The following ARHGEF18 variants were observed in gnomAD, a reference collection of about 807,000 sequenced individuals.
ARHGEF18 encodes rho guanine nucleotide exchange factor 18.
Under a neutral mutation model 155.7 loss-of-function variants are expected in ARHGEF18, and 93 were observed. That is an observed-to-expected ratio of 0.60 (90% CI 0.50 to 0.71). The LOEUF is 0.71. Ranked by LOEUF, ARHGEF18 falls within the 30% of genes least tolerant of loss-of-function variation. The pLI, the probability that ARHGEF18 is intolerant of heterozygous loss-of-function variation, is 0.00. For synonymous variants in ARHGEF18, 742 were observed against 753.1 expected (o/e 0.99, Z 0.24); for missense variants, 1,593 against 1,816.1 (o/e 0.88, Z 2.23).
chr19:7,439,570 G>A (rs17255882), intron 10 of ARHGEF18: 118,463 of 546,760 alleles, frequency 0.22, 13,741 homozygotes, highest in Non-Finnish European at 0.23. Flanking sequence ...TGTAGACAGC[G>A]GTTTGCAGCC....
At chr19:7,366,099 C>T (rs964856027) in intron 2 of ARHGEF18, among the ~76,000 whole-genome samples, 2 of 152,176 alleles carry the variant, frequency 1.3e-5, no homozygotes, top group African/African-American at 4.8e-5. Flanking sequence ...GCACCCACCA[C>T]CACATCCAGC....
downstream of ARHGEF18, among the ~76,000 whole-genome samples, chr19:7,473,860 G>T (rs1466895102): frequency 6.7e-6 from 1 of 149,064 alleles, no homozygotes; most frequent in African/African-American, 2.5e-5. Flanking sequence ...GCGTGCACCT[G>T]TAATCCCAGC....
intron 10 of ARHGEF18, among the ~76,000 whole-genome samples, chr19:7,384,753 G>A (rs1970913854): frequency 6.6e-6 from 1 of 150,506 alleles, no homozygotes; most frequent in Admixed American, 6.7e-5. Flanking sequence ...GTGCAATGGT[G>A]TGATCTCAGC....
intron 10 of ARHGEF18, among the ~76,000 whole-genome samples, chr19:7,414,445 G>A (rs1203363456): frequency 6.6e-6 from 1 of 152,152 alleles, no homozygotes; most frequent in Non-Finnish European, 1.5e-5. Flanking sequence ...GGGAGGCCAA[G>A]GCGGGCAGAT....
rs370897159 is a variant in ARHGEF18 at position 7,349,144 on chromosome 19, C to T, written c.-208C>T. On this transcript the variant is annotated 5_prime_UTR_variant, in exon 1 of 29. Transcript: ENST00000668164. The stretch of plus-strand genomic sequence containing the variant: ...CCAGGCTCTACCCAGCCAGCGGTTC[C>T]CTTGGGCCAGCTCGAAACGCTGGCC... The T allele has an allele frequency of 6.6e-6, 1 of 152,266 alleles. No individual in the cohort carries two copies. The highest frequency in any genetic ancestry group is 1.5e-5 in the Non-Finnish European group (1 of 68,092). 9.4% of individuals were successfully genotyped at this position (152,266 alleles called of 1,614,324 possible). A position where few individuals can be genotyped will look rare whatever the true frequency, so the allele number is the denominator to read the frequency against.
downstream of ARHGEF18, among the ~76,000 whole-genome samples, chr19:7,474,439 C>T (rs752486536): frequency 1.3e-5 from 2 of 152,074 alleles, no homozygotes; most frequent in Non-Finnish European, 1.5e-5. Flanking sequence ...TGCAGTGGCA[C>T]GCTATCTTGA....
At position 7,470,077 on chromosome 19, in the gene ARHGEF18, T is replaced by C. The variant is rs1371224606; in HGVS notation, c.3913+48T>C. On this transcript the variant is annotated intron_variant, in intron 28 of 28. Coordinates refer to ENST00000668164, the MANE Select transcript of ARHGEF18 (RefSeq NM_001367823.1). The surrounding 1 kb of genome is among the most constrained non-coding windows in gnomAD (Gnocchi z 5.9). The stretch of plus-strand genomic sequence containing the variant: ...GAGCCCAGTCCCAGGGCAGCGGGGC[T>C]GCGGCACCACCCGGCGACTGCTCAG... The C allele has an allele frequency of 1.9e-6, 3 of 1,610,964 alleles. No homozygotes were observed. In the Admixed American group the frequency reaches 5.0e-5, roughly 27 times the overall value.
At chr19:7,452,186 G>A (rs1372481396) in intron 16 of ARHGEF18, among the ~76,000 whole-genome samples, 2 of 152,202 alleles carry the variant, frequency 1.3e-5, no homozygotes, top group South Asian at 2.1e-4. Flanking sequence ...GGATGGAGAC[G>A]GTGCCCTGGT....
At position 7,462,192 on chromosome 19, in the gene ARHGEF18, C is replaced by T; in HGVS notation, c.2493C>T (p.Leu831=). ...AAGACCAGCTGATCGCACAGAGCCT[C>T]CTAGAGAAACAGCAGATCTACCTGG... ...SMKDQLIAQS[L]LEKQQIYLEM... is the part of the protein sequence containing the mutation. Residue 831 remains leucine, a synonymous_variant, in exon 21 of 29, where the codon CTC becomes CTT. Transcript: ENST00000668164. This position sits in a 1 kb window ranked among gnomAD's most constrained non-coding sequence, Gnocchi z 4.4. 1 of 1,614,020 alleles carries T rather than the reference C, an allele frequency of 6.2e-7. No homozygotes were observed.
chr19:7,398,937 CAT>C (rs1289982848), intron 10 of ARHGEF18, among the ~76,000 whole-genome samples: 3 of 152,202 alleles, frequency 2.0e-5, no homozygotes, highest in Non-Finnish European at 4.4e-5. Flanking sequence ...TTACCTAGCA[CAT>C]GTTTAACATA....
chr19:7,381,152 C>A (rs181853911), intron 8 of ARHGEF18, among the ~76,000 whole-genome samples, 158 bp downstream of exon 8: 2 of 152,130 alleles, frequency 1.3e-5, no homozygotes, highest in East Asian at 3.9e-4. Flanking sequence ...ATGAGGCTCC[C>A]GTATACCCTG....
downstream of ARHGEF18, chr19:7,477,426 G>T: frequency 6.9e-7 from 1 of 1,450,952 alleles, no homozygotes; most frequent in Non-Finnish European, 9.0e-7. Flanking sequence ...CGCTTGCCCC[G>T]GGGCAGCGGG....
chr19:7,439,282 C>A (rs1689390939), intron 10 of ARHGEF18, among the ~76,000 whole-genome samples: 1 of 147,958 alleles, frequency 6.8e-6, no homozygotes, highest in Admixed American at 6.7e-5. Flanking sequence ...ATAGTGAGAC[C>A]CCCCCCCAAC....
intron 8 of ARHGEF18, among the ~76,000 whole-genome samples, chr19:7,381,615 T>C (rs1490303606): frequency 6.6e-6 from 1 of 151,534 alleles, no homozygotes; most frequent in East Asian, 1.9e-4. Flanking sequence ...GAGGCGGAGG[T>C]TGCAGTGAGC....
At chr19:7,428,403 TTC>T (rs1396135129) in intron 10 of ARHGEF18, among the ~76,000 whole-genome samples, 1 of 152,150 alleles carries the variant, frequency 6.6e-6, no homozygotes, top group Non-Finnish European at 1.5e-5. Flanking sequence ...CATGGAGATT[TTC>T]TTTCTTCTGA....
chr19:7,448,121 T>G (rs1975113326), intron 15 of ARHGEF18, among the ~76,000 whole-genome samples: 1 of 152,172 alleles, frequency 6.6e-6, no homozygotes, highest in Non-Finnish European at 1.5e-5. Context: ...TCATCACTGT[T>G]TGGATGACAC....
chr19:7,458,449 C>T (rs1975990398), intron 18 of ARHGEF18, 63 bp from the exon 19 acceptor site: 4 of 1,529,160 alleles, frequency 2.6e-6, no homozygotes, highest in African/African-American at 1.4e-5. Flanking sequence ...GGCCCTTGAC[C>T]TCCCTGCTGT....
At chr19:7,434,479 C>A (rs1380158064) in intron 10 of ARHGEF18, among the ~76,000 whole-genome samples, 1 of 152,198 alleles carries the variant, frequency 6.6e-6, no homozygotes, top group Non-Finnish European at 1.5e-5. Flanking sequence ...AAGAGCTCTG[C>A]GGCATACAGT....
At chr19:7,454,541 G>A (rs1285550230) in intron 17 of ARHGEF18, among the ~76,000 whole-genome samples, 1 of 152,178 alleles carries the variant, frequency 6.6e-6, no homozygotes, top group East Asian at 1.9e-4. Context: ...TCTTGGATCA[G>A]TGGGCACCAT....
Sources: allele counts gnomAD v4.1 joint callset (sites outside exome capture counted in the v4.1 genomes callset), GRCh38; gene constraint gnomAD v4.1.1; non-coding constraint Gnocchi (gnomAD v3.1); transcripts MANE v1.5; gene names NCBI Gene and HGNC (gene_info 2026-07-23, HGNC 2026-07-21).